SNAP91: variants seen among roughly 807,000 people sequenced by gnomAD.
SNAP91 encodes synaptosome associated protein 91.
Under a neutral mutation model 100.3 loss-of-function variants are expected in SNAP91, and 27 were observed. The observed-to-expected ratio is 0.27, with a 90% confidence interval of 0.20 to 0.37. SNAP91 has a LOEUF of 0.37. SNAP91 is among the 10% of genes least tolerant of loss of function. SNAP91 has a pLI of 1.00. For missense variants in SNAP91, 986 were observed against 1,123.7 expected (o/e 0.88, Z 1.75); for synonymous variants, 404 against 398.6 (o/e 1.01, Z -0.16).
chr6:83,646,032 T>C (rs2097904716), intron 7 of SNAP91, among the ~76,000 whole-genome samples: 1 of 152,240 alleles, frequency 6.6e-6, no homozygotes, highest in African/African-American at 2.4e-5. Flanking sequence ...ATATCTTTGT[T>C]GGTGAGGTAT....
rs542665760 is a variant in SNAP91, at chr6:83,645,029, G to T, written c.659-3827C>A. ...GTCCCCAAACCACCAGGAACAGCAT[G>T]ACTTTGGCCCTTATTAGGAACGCAA... On this transcript the variant is annotated intron_variant, in intron 7 of 29. Coordinates refer to ENST00000369694, the MANE Select transcript of SNAP91 (RefSeq NM_001242792.2). Among the ~76,000 whole-genome samples, 3 of 152,084 alleles carry T rather than the reference G, an allele frequency of 2.0e-5. No individual in the cohort carries two copies. The South Asian group carries it at 6.2e-4, about 32-fold the overall frequency.
In SNAP91 at chr6:83,709,016, C is replaced by G. The variant is rs532851245; in HGVS notation, c.-202G>C. ...CTCCGCGGTCCCGGCGCCCACCGCC[C>G]CTGGCCCCTGGCCCCAGAAGCCAGT... On this transcript the variant is annotated 5_prime_UTR_variant, in exon 1 of 30. Transcript: ENST00000369694. 2.0e-5 allele frequency: 3 copies of G among 152,870 alleles called. No homozygotes were observed. The highest frequency in any genetic ancestry group is 2.9e-5 in the Non-Finnish European group (2 of 68,730). The allele number at this position is 152,870 out of a possible 1,614,324, so 9.5% of individuals were successfully genotyped here. A position where few individuals can be genotyped will look rare whatever the true frequency, so the allele number is the denominator to read the frequency against.
chr6:83,636,491 G>T (rs983229548), intron 8 of SNAP91, among the ~76,000 whole-genome samples: 2 of 152,082 alleles, frequency 1.3e-5, no homozygotes, highest in Non-Finnish European at 2.9e-5. Flanking sequence ...TCAAATTCCT[G>T]TAGTGAACTT....
Position 83,656,755 on chromosome 6 carries a change from G to A in SNAP91, c.657C>T (p.Leu219=), listed in dbSNP as rs1316176701. Residue 219 remains leucine, a splice_region_variant and synonymous_variant, in exon 7 of 30, where the codon CTC becomes CTT. Coordinates refer to ENST00000369694, the MANE Select transcript of SNAP91 (RefSeq NM_001242792.2). The stretch of plus-strand genomic sequence containing the variant: ...ACATGTTTCGGTTGTTCCACCTACC[G>A]AGTAAGTTAATAACACCATCATTGT... ...ACYNDGVINL[L]EKFFEMKKGQ... The A allele has an allele frequency of 4.0e-6, 6 of 1,484,694 alleles. No homozygotes were observed. The highest frequency in any genetic ancestry group is 1.2e-5 in the South Asian group (1 of 84,756). 92.0% of individuals were successfully genotyped at this position (1,484,694 alleles called of 1,614,324 possible). A position where few individuals can be genotyped will look rare whatever the true frequency, so the allele number is the denominator to read the frequency against.
At chr6:83,698,052 TA>T (rs2099243691) in intron 2 of SNAP91, among the ~76,000 whole-genome samples, 1 of 151,960 alleles carries the variant, frequency 6.6e-6, no homozygotes, top group Admixed American at 6.6e-5. Flanking sequence ...AATTAGATTT[TA>T]AAAATATATT....
chr6:83,605,626 A>G (rs2128276873), intron 14 of SNAP91, 59 bp downstream of exon 14: 1 of 1,544,874 alleles, frequency 6.5e-7, no homozygotes, highest in Admixed American at 2.0e-5. Context: ...TTATAGCCTA[A>G]GTAAAAACAA....
intron 8 of SNAP91, among the ~76,000 whole-genome samples, chr6:83,636,924 G>A (rs1040174941): frequency 6.6e-5 from 10 of 152,148 alleles, no homozygotes; most frequent in Non-Finnish European, 2.9e-5. Flanking sequence ...GCTTTCAGAG[G>A]GTCAAGGCTC....
chr6:83,626,404 G>C (rs1392431245), intron 8 of SNAP91, among the ~76,000 whole-genome samples: 1 of 152,052 alleles, frequency 6.6e-6, no homozygotes, highest in Non-Finnish European at 1.5e-5. Context: ...AAATGATGTT[G>C]ATAATTTGAT....
intron 12 of SNAP91, 23 bp from the exon 13 acceptor site, chr6:83,607,831 C>T (rs963251921): frequency 7.0e-7 from 1 of 1,423,014 alleles, no homozygotes; most frequent in African/African-American, 1.4e-5. Context: ...ATGCACAACA[C>T]ACTTGAGTCA....
rs1049953790 is a variant in SNAP91 at position 83,686,189 on chromosome 6, T to C, written c.131-20608A>G. 5 of 985,282 alleles carry C rather than the reference T, an allele frequency of 5.1e-6. No homozygotes were observed. The African/African-American group carries it at 8.7e-5, about 17-fold the overall frequency. 61.0% of individuals were successfully genotyped at this position (985,282 alleles called of 1,614,324 possible). On this transcript the variant is annotated intron_variant, in intron 2 of 29. Coordinates refer to ENST00000369694, the MANE Select transcript of SNAP91 (RefSeq NM_001242792.2). ...ACAATCAACACTGTTTTTTGTTTTT[T>C]CTTGTCTTTTACTTGAGTTCTTCCT...
At chr6:83,708,368 C>T (rs1023992746) in intron 1 of SNAP91, 42 of 161,744 alleles carry the variant, frequency 2.6e-4, no homozygotes, top group Admixed American at 8.4e-4. Flanking sequence ...CCCACCTCAG[C>T]AGACTTTCCT....
intron 7 of SNAP91, among the ~76,000 whole-genome samples, chr6:83,648,275 A>G (rs1054803377): frequency 4.6e-5 from 7 of 152,328 alleles, no homozygotes; most frequent in African/African-American, 1.4e-4. Flanking sequence ...ATGTTATTAC[A>G]TAAATGTAAC....
chr6:83,569,944 T>G (rs2128007639), intron 26 of SNAP91, among the ~76,000 whole-genome samples: 1 of 152,296 alleles, frequency 6.6e-6, no homozygotes, highest in South Asian at 2.1e-4. Context: ...GTCTCGGGTA[T>G]GTCTTGATCA....
At position 83,554,879 on chromosome 6, in the gene SNAP91, C is replaced by A. The variant is rs186779035; in HGVS notation, c.*11-594G>T. ...AGGCTTAGCCGCATAGATAACTCTT[C>A]ATAAAATAGTAATTCTCTCTGTGTC... On this transcript the variant is annotated intron_variant, in intron 29 of 29. Transcript: ENST00000369694. Among the ~76,000 whole-genome samples the A allele has an allele frequency of 4.2e-3, 644 of 152,214 alleles. 5 individuals are homozygous for A. The highest frequency in any genetic ancestry group is 7.2e-3 in the Non-Finnish European group (487 of 67,996).
chr6:83,593,320 C>T, intron 18 of SNAP91, 61 bp from the exon 19 acceptor site: 1 of 1,529,204 alleles, frequency 6.5e-7, no homozygotes, highest in Non-Finnish European at 8.9e-7. Context: ...CACAGCATCA[C>T]TTCCCAGTCC....
At chr6:83,658,159 TC>T (rs1396915971) in intron 6 of SNAP91, among the ~76,000 whole-genome samples, 4 of 152,074 alleles carry the variant, frequency 2.6e-5, no homozygotes, top group Admixed American at 6.6e-5. Context: ...TACAGAAAGC[TC>T]CCATATACCA....
chr6:83,574,646 A>G (rs1334993277), intron 26 of SNAP91, among the ~76,000 whole-genome samples: 2 of 152,160 alleles, frequency 1.3e-5, no homozygotes, highest in African/African-American at 4.8e-5. Flanking sequence ...TCATTTTCAT[A>G]ATTTTACAAA....
intron 2 of SNAP91, among the ~76,000 whole-genome samples, chr6:83,685,903 A>T (rs1320111876): frequency 6.6e-6 from 1 of 152,082 alleles, no homozygotes; most frequent in Non-Finnish European, 1.5e-5. Flanking sequence ...CCATCTTTTT[A>T]AAAAAATAGG....
chr6:83,674,214 C>A (rs1423605448), intron 2 of SNAP91, among the ~76,000 whole-genome samples: 1 of 152,010 alleles, frequency 6.6e-6, no homozygotes, highest in Admixed American at 6.6e-5. Context: ...CACTTGAGGT[C>A]GGGAGTTTGA....
Sources: allele counts gnomAD v4.1 joint callset (sites outside exome capture counted in the v4.1 genomes callset), GRCh38; gene constraint gnomAD v4.1.1; transcripts MANE v1.5; gene names NCBI Gene and HGNC (gene_info 2026-07-23, HGNC 2026-07-21).